Variants in PNN observed in about 807,000 individuals in gnomAD.
PNN encodes pinin, desmosome associated protein.
A neutral mutation model predicts 76.6 loss-of-function variants in PNN; 38 were observed. That is an observed-to-expected ratio of 0.50 (90% CI 0.38 to 0.65). The LOEUF is 0.65. PNN is among the 30% of genes least tolerant of loss of function. The pLI is 0.00. For synonymous variants in PNN, 366 were observed against 283.7 expected (o/e 1.29, Z -2.91); for missense variants, 873 against 874.1 (o/e 1.00, Z 0.02).
In PNN at chr14:39,180,565, A is replaced by G. The variant is rs2053261372; in HGVS notation, c.856A>G (p.Arg286Gly). 1 of 1,613,748 alleles carries G rather than the reference A, an allele frequency of 6.2e-7. No individual in the cohort carries two copies. Among genetic ancestry groups the G allele is most frequent in the African/African-American group, 1.3e-5 (1 of 74,908 alleles). The change falls in exon 9 of 9, where the codon AGA (arginine) becomes GGA (glycine). Residue 286 changes from arginine to glycine, a missense_variant. Arg to Gly is a moderately radical substitution (Grantham distance 125, BLOSUM62 -2). Around this residue, in one of 3 missense-constraint regions of PNN, gnomAD observed 712 missense variants for 693.1 expected, o/e 1.03. Coordinates refer to ENST00000216832, the MANE Select transcript of PNN (RefSeq NM_002687.4). ...EQINKMEARP[R>G]RQSMKEKEHQ... ...AATAAATAAAATGGAGGCTAGGCCT[A>G]GAAGACAATCAATGAAGGAAAAAGA...
Position 39,176,590 on chromosome 14 carries a change from CAGTA to C in PNN, c.250_253del (p.Ser84GlyfsTer33), listed in dbSNP as rs1183013653. The C allele has an allele frequency of 6.3e-7, 1 of 1,597,216 alleles. No homozygotes were observed. Among genetic ancestry groups the C allele is most frequent in the Non-Finnish European group, 8.5e-7 (1 of 1,169,996 alleles). Reference sequence around the variant, plus strand: ...AACAGAGAGACCTTGAAGGGGCAGTCAGTAGGTAGGTTTAAAAAAAGATTCCTGA... The same window carrying C: ...AACAGAGAGACCTTGAAGGGGCAGTCGGTAGGTTTAAAAAAAGATTCCTGA... On this transcript the variant is annotated frameshift_variant and splice_region_variant, in exon 3 of 9. Coordinates refer to ENST00000216832, the MANE Select transcript of PNN (RefSeq NM_002687.4). LOFTEE classifies it high-confidence loss of function.
chr14:39,182,013 C>A lies in PNN; in HGVS notation c.*150C>A. ...AAATACAGACTGTTTGTTTACCAGA[C>A]ATTCTTGTACTTTTTGCATAATTTT... On this transcript the variant is annotated 3_prime_UTR_variant, in exon 9 of 9. Coordinates refer to ENST00000216832, the MANE Select transcript of PNN (RefSeq NM_002687.4). 4.5e-6 allele frequency: 3 copies of A among 672,948 alleles called. No individual in the cohort carries two copies. Among genetic ancestry groups the A allele is most frequent in the East Asian group, 3.0e-5 (1 of 33,322 alleles). 41.7% of individuals were successfully genotyped at this position (672,948 alleles called of 1,614,324 possible).
chr14:39,176,290 T>C, intron 2 of PNN, 141 bp downstream of exon 2: 2 of 643,044 alleles, frequency 3.1e-6, no homozygotes, highest in Non-Finnish European at 5.5e-6. Context: ...AGACTAGATT[T>C]CTGTATAAAT....
In PNN at chr14:39,180,856, C is replaced by T. The variant is rs1321235237; in HGVS notation, c.1147C>T (p.Pro383Ser). 9.3e-6 allele frequency: 15 copies of T among 1,613,828 alleles called. No individual in the cohort carries two copies. The highest frequency in any genetic ancestry group is 1.1e-5 in the Non-Finnish European group (13 of 1,179,978). ...RESEKQQDSQ[P>S]EEVMDVLEMV... ...AAGTGAGAAGCAGCAGGATAGTCAG[C>T]CTGAAGAAGTTATGGATGTGCTAGA... Residue 383 changes from proline (P) to serine (S), a missense_variant, in exon 9 of 9, where the codon CCT becomes TCT. Transcript: ENST00000216832.
chr14:39,181,779 T>C lies in PNN; in HGVS notation c.2070T>C (p.Ser690=). 1 of 1,613,966 alleles carries C rather than the reference T, an allele frequency of 6.2e-7. No homozygotes were observed. The highest frequency in any genetic ancestry group is 8.5e-7 in the Non-Finnish European group (1 of 1,179,906). ...ATTCCCGGTCCGACAGAAAGAGGTC[T>C]ATATCAGAGAGTAGTCGATCAGGCA... ...DKNSRSDRKR[S]ISESSRSGKR... The change falls in exon 9 of 9, where the codon TCT becomes TCC. Residue 690 remains serine (S), a synonymous_variant. Coordinates refer to ENST00000216832, the MANE Select transcript of PNN (RefSeq NM_002687.4).
rs1362552867 is a variant in PNN at position 39,177,596 on chromosome 14, G to A, written c.331G>A (p.Ala111Thr). 6 of 1,613,274 alleles carry A rather than the reference G, an allele frequency of 3.7e-6. No homozygotes were observed. The East Asian group carries it at 1.1e-4, about 30-fold the overall frequency. Residue 111 changes from alanine (A) to threonine (T), a missense_variant, in exon 5 of 9, where the codon GCA (alanine) becomes ACA (threonine). Physicochemically the swap from Ala to Thr is moderately conservative, Grantham distance 58. Coordinates refer to ENST00000216832, the MANE Select transcript of PNN (RefSeq NM_002687.4). Reference protein sequence around the residue: ...DPEDDDVKKPALQSSVVATSK... With the variant: ...DPEDDDVKKPTLQSSVVATSK... ...CTGAGATTTTCTTTTTCTGCAGCCA[G>A]CATTGCAGTCTTCAGTTGTAGCTAC... is the stretch of plus-strand genomic sequence containing the variant.
In PNN at chr14:39,175,300, T is replaced by A; in HGVS notation, c.21T>A (p.Thr7=). 6.2e-7 allele frequency: 1 copy of A among 1,608,182 alleles called. No individual in the cohort carries two copies. Among genetic ancestry groups the A allele is most frequent in the South Asian group, 1.1e-5 (1 of 90,560 alleles). MAVAVR[T]LQEQLEKAKE... ...AGAAGATGGCGGTCGCCGTGAGAAC[T>A]TTGCAGGAACAGCTGGAAAAGGCCA... is the stretch of plus-strand genomic sequence containing the variant. The change falls in exon 1 of 9, where the codon ACT becomes ACA. Residue 7 remains threonine (T), a synonymous_variant. Transcript: ENST00000216832.
rs1326951416 is a variant in PNN at position 39,182,209 on chromosome 14, C to T, written c.*346C>T. The stretch of plus-strand genomic sequence containing the variant: ...AGTCTGTTCCCTTCTAATTCTGTAT[C>T]ATACATTGCTTTTGTAGAAATAAAT... On this transcript the variant is annotated 3_prime_UTR_variant, in exon 9 of 9. Coordinates refer to ENST00000216832, the MANE Select transcript of PNN (RefSeq NM_002687.4). 1 of 170,288 alleles carries T rather than the reference C, an allele frequency of 5.9e-6. No individual in the cohort carries two copies. Among genetic ancestry groups the T allele is most frequent in the Non-Finnish European group, 1.3e-5 (1 of 78,992 alleles). The allele number at this position is 170,288 out of a possible 1,614,324, so 10.5% of individuals were successfully genotyped here.
chr14:39,176,915 A>G (rs1376366527), intron 3 of PNN, among the ~76,000 whole-genome samples: 1 of 152,248 alleles, frequency 6.6e-6, no homozygotes, highest in Non-Finnish European at 1.5e-5. Flanking sequence ...CTTAGAAAAT[A>G]CAGGAGAGCA....
chr14:39,181,160 T>C lies in PNN; in HGVS notation c.1451T>C (p.Leu484Pro). ...CCTCAGCCTCAGTCTCAGCCCCAGC[T>C]TCAGCTTCAATCCCAGTCCCAACCA... ...AQPQPQSQPQ[L>P]QLQSQSQPVL... is the part of the protein sequence containing the mutation. Residue 484 changes from leucine (L) to proline (P), a missense_variant, in exon 9 of 9, where the codon CTT becomes CCT. Transcript: ENST00000216832. The C allele has an allele frequency of 6.2e-7, 1 of 1,606,870 alleles. No individual in the cohort carries two copies. Among genetic ancestry groups the C allele is most frequent in the South Asian group, 1.1e-5 (1 of 90,890 alleles).
At chr14:39,178,226 C>T (rs559128474) in intron 6 of PNN, among the ~76,000 whole-genome samples, 2 of 152,094 alleles carry the variant, frequency 1.3e-5, no homozygotes, top group African/African-American at 2.4e-5. Context: ...TAGTTGGTAT[C>T]CTGAATTGAA....
At position 39,182,041 on chromosome 14, in the gene PNN, A is replaced by G. The variant is rs1840084369; in HGVS notation, c.*178A>G. 3 of 544,400 alleles carry G rather than the reference A, an allele frequency of 5.5e-6. No homozygotes were observed. The highest frequency in any genetic ancestry group is 3.8e-5 in the African/African-American group (2 of 52,084). 33.7% of individuals were successfully genotyped at this position (544,400 alleles called of 1,614,324 possible). On this transcript the variant is annotated 3_prime_UTR_variant, in exon 9 of 9. Transcript: ENST00000216832. ...TCTTGTACTTTTTGCATAATTTTGT[A>G]AGAGTTATTTATCAAAATTATGTGA... is the stretch of plus-strand genomic sequence containing the variant.
In PNN at chr14:39,180,624, G is replaced by A. The variant is rs1181210074; in HGVS notation, c.915G>A (p.Ala305=). The change falls in exon 9 of 9, where the codon GCG becomes GCA. Residue 305 remains alanine, a synonymous_variant. Transcript: ENST00000216832. ...HQVVRNEEQK[A]EQEEGKVAQR... ...TGGTGCGTAATGAAGAACAGAAGGC[G>A]GAACAAGAAGAGGGTAAGGTGGCTC... 3 of 1,613,754 alleles carry A rather than the reference G, an allele frequency of 1.9e-6. No homozygotes were observed. Among genetic ancestry groups the A allele is most frequent in the South Asian group, 2.2e-5 (2 of 91,044 alleles).
intron 3 of PNN, 54 bp from the exon 4 acceptor site, chr14:39,177,358 C>G: frequency 6.9e-7 from 1 of 1,459,646 alleles, no homozygotes; most frequent in South Asian, 1.2e-5. Context: ...TGCACTTCAG[C>G]CTGGGTGGTA....
Position 39,181,642 on chromosome 14 carries a change from A to T in PNN, c.1933A>T (p.Lys645Ter). 6.2e-7 allele frequency: 1 copy of T among 1,614,154 alleles called. No homozygotes were observed. Among genetic ancestry groups the T allele is most frequent in the Non-Finnish European group, 8.5e-7 (1 of 1,180,014 alleles). ...SRGRGHNRDRKHRRSVDRKRR... is the reference protein window; with the variant it reads ...SRGRGHNRDR The stretch of plus-strand genomic sequence containing the variant: ...GGGCCGGGGACATAATAGAGATAGA[A>T]AGCACAGAAGGAGCGTGGATCGGAA... The change falls in exon 9 of 9, where the codon AAG becomes TAG. Residue 645 changes from lysine to a stop codon, truncating the protein, a stop_gained. Transcript: ENST00000216832. LOFTEE classifies it high-confidence loss of function.
chr14:39,181,402 C>T lies in PNN; in HGVS notation c.1693C>T (p.Arg565Ter), dbSNP rs569202494. 1.2e-6 allele frequency: 2 copies of T among 1,614,082 alleles called. No individual in the cohort carries two copies. Among genetic ancestry groups the T allele is most frequent in the Non-Finnish European group, 8.5e-7 (1 of 1,180,022 alleles). Residue 565 changes from arginine to a stop codon, truncating the protein, a stop_gained, in exon 9 of 9, where the codon CGA becomes TGA. Coordinates refer to ENST00000216832, the MANE Select transcript of PNN (RefSeq NM_002687.4). LOFTEE classifies it high-confidence loss of function. Reference protein sequence around the residue: ...KTKTRSRSRGRARNKTSKSRS... With the variant: ...KTKTRSRSRG Reference sequence around the variant, plus strand: ...CAAAACTAGGAGCAGAAGTAGAGGTCGAGCTAGAAATAAAACAAGCAAGAG... The same window carrying T: ...CAAAACTAGGAGCAGAAGTAGAGGTTGAGCTAGAAATAAAACAAGCAAGAG...
chr14:39,180,936 T>C lies in PNN; in HGVS notation c.1227T>C (p.Asn409=), dbSNP rs757186430. The C allele has an allele frequency of 2.5e-6, 4 of 1,614,034 alleles. No homozygotes were observed. The highest frequency in any genetic ancestry group is 2.2e-5 in the South Asian group (2 of 91,070). The change falls in exon 9 of 9, where the codon AAT becomes AAC. Residue 409 remains asparagine (N), a synonymous_variant. Transcript: ENST00000216832. ...VIADQEVMET[N]RVESVEPSEN... ...CTGACCAGGAGGTAATGGAAACTAA[T>C]CGAGTTGAAAGTGTAGAACCTTCAG...
At chr14:39,176,434 G>C in intron 2 of PNN, 93 bp from the exon 3 acceptor site, 1 of 985,874 alleles carries the variant, frequency 1.0e-6, no homozygotes, top group Non-Finnish European at 1.5e-6. Flanking sequence ...TAGTTGGAAA[G>C]ATTTTTGAAA....
In PNN at chr14:39,180,576, A is replaced by G. The variant is rs757967491; in HGVS notation, c.867A>G (p.Ser289=). The G allele has an allele frequency of 1.9e-6, 3 of 1,614,090 alleles. No homozygotes were observed. In the East Asian group the frequency reaches 6.7e-5, roughly 36 times the overall value. Residue 289 remains serine (S), a synonymous_variant, in exon 9 of 9, where the codon TCA becomes TCG. Transcript: ENST00000216832. The part of the protein sequence containing the change: ...NKMEARPRRQ[S]MKEKEHQVVR... ...TGGAGGCTAGGCCTAGAAGACAATC[A>G]ATGAAGGAAAAAGAGCATCAGGTGG...
Sources: gnomAD v4.1 joint callset for allele counts (sites outside exome capture counted in the v4.1 genomes callset) on GRCh38, gnomAD v4.1.1 for gene constraint, gnomAD v4.1.1 regional missense constraint, MANE v1.5 for transcripts, NCBI Gene and HGNC (gene_info 2026-07-23, HGNC 2026-07-21) for gene names.